ANKRD30BL: variants seen among roughly 807,000 people sequenced by gnomAD.
ANKRD30BL encodes putative ankyrin repeat domain-containing protein 30B-like.
In ANKRD30BL, 20 loss-of-function variants were observed where a neutral mutation model predicts 18.4. The observed-to-expected ratio is 1.09, with a 90% confidence interval of 0.77 to 1.58. The LOEUF is 1.58. Ranked by LOEUF, ANKRD30BL falls within the 40% of genes most tolerant of loss-of-function variation. The pLI is 0.00. For missense variants in ANKRD30BL, 224 were observed against 268.6 expected, an observed-to-expected ratio of 0.83 and a Z score of 1.16; for synonymous variants, 72 against 100.9, an observed-to-expected ratio of 0.71 and a Z score of 1.72.
At chr2:132,199,898 A>G (rs1046192638) in intron 1 of ANKRD30BL, among the ~76,000 whole-genome samples, 16 of 152,196 alleles carry the variant, frequency 1.1e-4, no homozygotes, top group African/African-American at 3.9e-4. Context: ...ATGAACATTG[A>G]TGCAAAAATC....
intron 1 of ANKRD30BL, among the ~76,000 whole-genome samples, chr2:132,201,091 T>C (rs1679088546): frequency 6.6e-6 from 1 of 152,098 alleles, no homozygotes; most frequent in South Asian, 2.1e-4. Flanking sequence ...TGGCTAGCCA[T>C]ATGTAGAAAG....
intron 1 of ANKRD30BL, among the ~76,000 whole-genome samples, chr2:132,193,595 C>T (rs959592667): frequency 6.6e-6 from 1 of 152,122 alleles, no homozygotes; most frequent in Non-Finnish European, 1.5e-5. Context: ...ATACACTCTT[C>T]AAGAAGCAGC....
intron 1 of ANKRD30BL, among the ~76,000 whole-genome samples, chr2:132,225,564 A>G (rs932604571): frequency 3.3e-5 from 5 of 152,110 alleles, no homozygotes; most frequent in Admixed American, 1.3e-4. Context: ...ACAGAGTTGA[A>G]ACTTTCTTTT....
chr2:132,205,606 A>G (rs1379444449), intron 1 of ANKRD30BL, among the ~76,000 whole-genome samples: 2 of 151,546 alleles, frequency 1.3e-5, no homozygotes, highest in African/African-American at 4.8e-5. Context: ...CGTCTCAAAA[A>G]AAAAAAAGAA....
chr2:132,190,783 A>G (rs1678829518), intron 1 of ANKRD30BL, among the ~76,000 whole-genome samples: 1 of 152,188 alleles, frequency 6.6e-6, no homozygotes, highest in South Asian at 2.1e-4. Context: ...TGATAAGCAG[A>G]TGCAGATTTT....
chr2:132,204,661 A>G (rs1027817289), intron 1 of ANKRD30BL, among the ~76,000 whole-genome samples: 1 of 152,110 alleles, frequency 6.6e-6, no homozygotes, highest in African/African-American at 2.4e-5. Context: ...AAATGGCAGA[A>G]TAGAAAGGTA....
intron 1 of ANKRD30BL, among the ~76,000 whole-genome samples, chr2:132,239,521 C>G (rs918378961): frequency 4.5e-4 from 68 of 151,850 alleles, no homozygotes; most frequent in African/African-American, 1.6e-3. Context: ...GATGTGTGTA[C>G]TCAACTCACA....
intron 1 of ANKRD30BL, among the ~76,000 whole-genome samples, chr2:132,209,444 C>T (rs1193407403): frequency 6.6e-6 from 1 of 151,930 alleles, no homozygotes; most frequent in Admixed American, 6.6e-5. Context: ...AGCTTTGAAA[C>T]ACTCTTTTTG....
At position 132,157,356 on chromosome 2, in the gene ANKRD30BL, A is replaced by G. The variant is rs1232698712; in HGVS notation, c.286T>C (p.Cys96Arg). The G allele has an allele frequency of 6.7e-6, 5 of 748,968 alleles. No individual in the cohort carries two copies. The African/African-American group carries it at 6.8e-5, about 10-fold the overall frequency. The allele number at this position is 748,968 out of a possible 1,614,324, so 46.4% of individuals were successfully genotyped here. Residue 96 changes from cysteine (C) to arginine (R), a missense_variant, in exon 2 of 6, where the codon TGT becomes CGT. This residue lies in a region of ANKRD30BL where 131 missense variants were observed against 128.8 expected (regional missense o/e 1.02). Transcript: ENST00000409867. Reference sequence around the variant, plus strand: ...TCACCATCAAGGACGTCAAGCTGACACTTTCTATCTACCAGAAGTGTTACT... The same window carrying G: ...TCACCATCAAGGACGTCAAGCTGACGCTTTCTATCTACCAGAAGTGTTACT... Reference protein sequence around the residue: ...EVVTLLVDRKCQLDVLDGENR... With the variant: ...EVVTLLVDRKRQLDVLDGENR...
chr2:132,233,199 A>T (rs1680068154), intron 1 of ANKRD30BL, among the ~76,000 whole-genome samples: 1 of 152,068 alleles, frequency 6.6e-6, no homozygotes, highest in African/African-American at 2.4e-5. Flanking sequence ...TAAACATGGA[A>T]AGGAACAACC....
intron 4 of ANKRD30BL, among the ~76,000 whole-genome samples, chr2:132,151,839 C>T (rs892008046): frequency 1.2e-4 from 19 of 152,060 alleles, no homozygotes; most frequent in Non-Finnish European, 2.4e-4. Flanking sequence ...GCTCATCAGT[C>T]ACACCAAGGG....
chr2:132,229,662 A>G (rs143699198), intron 1 of ANKRD30BL, among the ~76,000 whole-genome samples: 1 of 151,058 alleles, frequency 6.6e-6, no homozygotes, highest in East Asian at 2.0e-4. Flanking sequence ...GAAACTTCTT[A>G]GTGATGTGTG....
upstream of ANKRD30BL, among the ~76,000 whole-genome samples, chr2:132,166,558 A>G (rs897770312): frequency 6.6e-6 from 1 of 152,020 alleles, no homozygotes; most frequent in Non-Finnish European, 1.5e-5. Flanking sequence ...TGTCCATTTT[A>G]TATAGGTTAT....
rs568587234 is a variant in ANKRD30BL at position 132,161,497 on chromosome 2, G to A, written c.209C>T (p.Ala70Val). 47 of 1,456,090 alleles carry A rather than the reference G, an allele frequency of 3.2e-5. 1 individual carries two copies. In the East Asian group the frequency reaches 5.7e-4, roughly 18 times the overall value. 90.2% of individuals were successfully genotyped at this position (1,456,090 alleles called of 1,614,324 possible). A position where few individuals can be genotyped will look rare whatever the true frequency, so the allele number is the denominator to read the frequency against. The change falls in exon 1 of 6, where the codon GCG (alanine) becomes GTG (valine). Residue 70 changes from alanine to valine, a missense_variant. By Grantham distance (64) the Ala-to-Val change is moderately conservative (BLOSUM62 0). Coordinates refer to ENST00000409867, the MANE Select transcript of ANKRD30BL (RefSeq NM_001358416.1). ...AGGCAGGGCCTGGTACCTCTTCTTC[G>A]CATCTCTTATGTTCAGGTCCATTGT... ...KTTMDLNIRDAKKRTALYWAC... is the reference protein window; with the variant it reads ...KTTMDLNIRDVKKRTALYWAC...
At chr2:132,189,588 A>G (rs1028539315) in intron 1 of ANKRD30BL, among the ~76,000 whole-genome samples, 1 of 151,302 alleles carries the variant, frequency 6.6e-6, no homozygotes, top group Non-Finnish European at 1.5e-5. Flanking sequence ...AAGTTTGCCT[A>G]TTCAGAAAGC....
chr2:132,238,521 T>C (rs1328154658), intron 1 of ANKRD30BL, among the ~76,000 whole-genome samples: 2 of 151,974 alleles, frequency 1.3e-5, no homozygotes, highest in East Asian at 3.9e-4. Context: ...GACTTGAACA[T>C]TCGTTTTCAT....
In ANKRD30BL at chr2:132,161,524, G is replaced by A. The variant is rs187078832; in HGVS notation, c.182C>T (p.Thr61Met). 1,241 of 1,456,724 alleles carry A rather than the reference G, an allele frequency of 8.5e-4. 9 individuals carry two copies. Among genetic ancestry groups the A allele is most frequent in the Non-Finnish European group, 2.9e-4 (308 of 1,063,372 alleles). The allele number at this position is 1,456,724 out of a possible 1,614,324, so 90.2% of individuals were successfully genotyped here. A position where few individuals can be genotyped will look rare whatever the true frequency, so the allele number is the denominator to read the frequency against. Residue 61 changes from threonine to methionine, a missense_variant, in exon 1 of 6, where the codon ACG becomes ATG. Physicochemically the swap from Thr to Met is moderately conservative, Grantham distance 81 (BLOSUM62 -1). Transcript: ENST00000409867. ...ATCTCTTATGTTCAGGTCCATTGTCGTCTTCTTCATCATCCTCTCCAGCTT... is the reference window on the plus strand; with the variant it reads ...ATCTCTTATGTTCAGGTCCATTGTCATCTTCTTCATCATCCTCTCCAGCTT... ...AWKLERMMKK[T>M]TMDLNIRDAK...
intron 1 of ANKRD30BL, among the ~76,000 whole-genome samples, chr2:132,214,839 C>A (rs535141994): frequency 6.6e-6 from 1 of 151,520 alleles, no homozygotes; most frequent in Non-Finnish European, 1.5e-5. Context: ...AAGGAAATAT[C>A]TTCACATAAA....
chr2:132,227,377 T>C (rs1006761919), intron 1 of ANKRD30BL, among the ~76,000 whole-genome samples: 1 of 152,112 alleles, frequency 6.6e-6, no homozygotes, highest in Non-Finnish European at 1.5e-5. Context: ...AGGAAATATC[T>C]TCCCATCTAA....
Sources: gnomAD v4.1 joint callset for allele counts (sites outside exome capture counted in the v4.1 genomes callset) on GRCh38, gnomAD v4.1.1 for gene constraint, gnomAD v4.1.1 regional missense constraint, MANE v1.5 for transcripts, NCBI Gene and HGNC (gene_info 2026-07-23, HGNC 2026-07-21) for gene names.